Variants in POLD2 observed in about 807,000 individuals in gnomAD.
POLD2 encodes DNA polymerase delta 2, accessory subunit, also known as DNA polymerase delta subunit 2.
Under a neutral mutation model 48.8 loss-of-function variants are expected in POLD2, and 31 were observed. That is an observed-to-expected ratio of 0.64 (90% CI 0.48 to 0.86). The LOEUF is 0.86. Ranked by LOEUF, POLD2 falls within the 40% of genes least tolerant of loss-of-function variation. The pLI, the probability that POLD2 is intolerant of heterozygous loss-of-function variation, is 0.00. For synonymous variants in POLD2, 233 were observed against 256.3 expected (o/e 0.91, Z 0.87); for missense variants, 455 against 610.1 (o/e 0.75, Z 2.68).
At chr7:44,123,808 G>T, upstream of POLD2, 4 of 961,186 alleles carry the variant, frequency 4.2e-6, no homozygotes, top group South Asian at 7.2e-5. Context: ...CTGACGGGGG[G>T]TGTCGGCCTC....
At position 44,115,329 on chromosome 7, in the gene POLD2, G is replaced by C. The variant is rs1019891027; in HGVS notation, c.1215C>G (p.Gly405=). 1.9e-5 allele frequency: 31 copies of C among 1,613,846 alleles called. No homozygotes were observed. The Middle Eastern group carries it at 1.3e-3, about 68-fold the overall frequency. Reference sequence around the variant, plus strand: ...TTTTGGAGCCAAAGCTGGGGGTGTTGCCACAAAAGTAGACATGCGGGCACT... The same window carrying C: ...TTTTGGAGCCAAAGCTGGGGGTGTTCCCACAAAAGTAGACATGCGGGCACT... ...FPECPHVYFC[G]NTPSFGSKII... The change falls in exon 10 of 11, where the codon GGC becomes GGG. Residue 405 remains glycine (G), a synonymous_variant. Transcript: ENST00000610533.
intron 1 of POLD2, chr7:44,123,192 A>T: frequency 8.1e-7 from 1 of 1,231,332 alleles, no homozygotes; most frequent in Middle Eastern, 3.1e-4. Context: ...AAAGTTAAAA[A>T]ATTCCCTAGC....
In POLD2 at chr7:44,114,762, C is replaced by T. The variant is rs536995063; in HGVS notation, c.*23G>A. On this transcript the variant is annotated 3_prime_UTR_variant, in exon 11 of 11. Coordinates refer to ENST00000610533, the MANE Select transcript of POLD2 (RefSeq NM_006230.4). Reference sequence around the variant, plus strand: ...ATGAACAGCCTCCATCTGGGCCTCTCTGGTCAAAACCACTTTTTTGAGTCA... The same window carrying T: ...ATGAACAGCCTCCATCTGGGCCTCTTTGGTCAAAACCACTTTTTTGAGTCA... 1.3e-6 allele frequency: 2 copies of T among 1,592,450 alleles called. No homozygotes were observed. Among genetic ancestry groups the T allele is most frequent in the Non-Finnish European group, 1.7e-6 (2 of 1,165,052 alleles).
At chr7:44,115,438 C>T (rs1410649629) in intron 9 of POLD2, 42 bp from the exon 10 acceptor site, 1 of 1,199,964 alleles carries the variant, frequency 8.3e-7, no homozygotes, top group South Asian at 1.2e-5. Context: ...TCCGCCTCAG[C>T]ACTAGCACTC....
chr7:44,116,711 G>C lies in POLD2; in HGVS notation c.780+106C>G. On this transcript the variant is annotated intron_variant, in intron 6 of 10. Transcript: ENST00000610533. This position sits in a 1 kb window ranked among gnomAD's most constrained non-coding sequence, Gnocchi z 6.1. ...GAGTCACTGCAGGGCGCTTCCCACC[G>C]ACCTGCGAGACCTCACAGGGTACCC... is the stretch of plus-strand genomic sequence containing the variant. The C allele has an allele frequency of 1.6e-6, 2 of 1,278,240 alleles. No homozygotes were observed. The highest frequency in any genetic ancestry group is 2.2e-6 in the Non-Finnish European group (2 of 905,452). 79.2% of individuals were successfully genotyped at this position (1,278,240 alleles called of 1,614,324 possible).
chr7:44,116,334 G>A lies in POLD2; in HGVS notation c.862-62C>T, dbSNP rs1049020894. ...CGAAGGAGCCCCCTACACCAACTCC[G>A]GCCACTCCCCCTGCCCTCCTGCCTG... On this transcript the variant is annotated intron_variant, in intron 7 of 10. Transcript: ENST00000610533. This position sits in a 1 kb window ranked among gnomAD's most constrained non-coding sequence, Gnocchi z 6.1. 12 of 1,598,084 alleles carry A rather than the reference G, an allele frequency of 7.5e-6. No individual in the cohort carries two copies. The highest frequency in any genetic ancestry group is 2.2e-5 in the East Asian group (1 of 44,670).
At chr7:44,117,901 C>T in intron 3 of POLD2, 42 bp downstream of exon 3, 2 of 1,607,580 alleles carry the variant, frequency 1.2e-6, no homozygotes, top group East Asian at 2.2e-5. Flanking sequence ...AGTGGGAGGC[C>T]AGGTCTGCCT....
At chr7:44,123,298 C>G (rs2128813310) in intron 1 of POLD2, 2 of 1,363,888 alleles carry the variant, frequency 1.5e-6, no homozygotes, top group Non-Finnish European at 1.9e-6. Flanking sequence ...TTGGCTCGAA[C>G]GTGCTTGATG....
At position 44,116,177 on chromosome 7, in the gene POLD2, G is replaced by A. The variant is rs1309537097; in HGVS notation, c.957C>T (p.Ala319=). 6.2e-7 allele frequency: 1 copy of A among 1,613,880 alleles called. No homozygotes were observed. Among genetic ancestry groups the A allele is most frequent in the African/African-American group, 1.3e-5 (1 of 75,032 alleles). The part of the protein sequence containing the change: ...QPLHPCMFPL[A]TAYSTLQLVT... ...CCAGCTGGAGCGTGGAGTAGGCAGTGGCCAGCGGGAACATGCAGGGGTGGA... is the reference window on the plus strand; with the variant it reads ...CCAGCTGGAGCGTGGAGTAGGCAGTAGCCAGCGGGAACATGCAGGGGTGGA... The change falls in exon 8 of 11, where the codon GCC becomes GCT. Residue 319 remains alanine, a synonymous_variant. Coordinates refer to ENST00000610533, the MANE Select transcript of POLD2 (RefSeq NM_006230.4). This position sits in a 1 kb window ranked among gnomAD's most constrained non-coding sequence, Gnocchi z 6.1.
intron 2 of POLD2, among the ~76,000 whole-genome samples, chr7:44,119,315 G>A (rs946521352): frequency 3.3e-5 from 5 of 152,148 alleles, no homozygotes; most frequent in African/African-American, 1.2e-4. Flanking sequence ...GGAGGTGACA[G>A]GACAACGCGG....
At position 44,117,731 on chromosome 7, in the gene POLD2, G is replaced by T. The variant is rs149868867; in HGVS notation, c.354C>A (p.Leu118=). ...TGTATTTACTCCGAGGAGGCTGGGG[G>T]AGCAGGTTGTGCTGGAATGCAGAGA... ...LREVSEEHNL[L]PQPPRSKYIH... is the part of the protein sequence containing the mutation. The change falls in exon 4 of 11, where the codon CTC becomes CTA. Residue 118 remains leucine (L), a synonymous_variant. Coordinates refer to ENST00000610533, the MANE Select transcript of POLD2 (RefSeq NM_006230.4). 1.9e-6 allele frequency: 3 copies of T among 1,613,812 alleles called. No homozygotes were observed. The highest frequency in any genetic ancestry group is 2.7e-5 in the African/African-American group (2 of 75,038).
In POLD2 at chr7:44,115,808, G is replaced by A; in HGVS notation, c.1105C>T (p.Leu369=). ...EDHLEILEWT[L]RVRHISPTAP... is the part of the protein sequence containing the mutation. Reference sequence around the variant, plus strand: ...GTGGGGCTGATGTGACGGACCCGCAGGGTCCACTCCAGGATCTCCAAGTGA... The same window carrying A: ...GTGGGGCTGATGTGACGGACCCGCAAGGTCCACTCCAGGATCTCCAAGTGA... Residue 369 remains leucine, a synonymous_variant, in exon 9 of 11, where the codon CTG becomes TTG. Coordinates refer to ENST00000610533, the MANE Select transcript of POLD2 (RefSeq NM_006230.4). The A allele has an allele frequency of 1.2e-6, 2 of 1,614,104 alleles. No homozygotes were observed. Among genetic ancestry groups the A allele is most frequent in the Non-Finnish European group, 1.7e-6 (2 of 1,179,996 alleles).
chr7:44,123,769 G>T (rs532937845), upstream of POLD2: 4 of 1,268,662 alleles, frequency 3.2e-6, no homozygotes, highest in Non-Finnish European at 4.1e-6. Context: ...GCGGGTCTTT[G>T]GTTGGCGGCC....
upstream of POLD2, chr7:44,123,564 G>A: frequency 6.8e-6 from 10 of 1,477,092 alleles, no homozygotes; most frequent in Admixed American, 2.4e-5. Flanking sequence ...GCCCATCGCC[G>A]CAACTCGCTA....
intron 1 of POLD2, chr7:44,122,527 T>C: frequency 1.1e-6 from 1 of 901,878 alleles, no homozygotes; most frequent in Non-Finnish European, 1.3e-6. Flanking sequence ...AAGCCTATTA[T>C]TAAATAATAA....
chr7:44,115,375 GT>G lies in POLD2; in HGVS notation c.1168del (p.Thr390LeufsTer37), dbSNP rs2096237039. 6.2e-7 allele frequency: 1 copy of G among 1,613,272 alleles called. No homozygotes were observed. The highest frequency in any genetic ancestry group is 1.3e-5 in the African/African-American group (1 of 74,918). On this transcript the variant is annotated frameshift_variant, in exon 10 of 11. Transcript: ENST00000610533. LOFTEE classifies it high-confidence loss of function. ...GCACTCTGGGAAGATGAACGGGTCA[GT>G]TTTGTAGAAGGGGTAACAACCTGGA... ...DTLGCYPFYK[T>X]DPFIFPECPH...
At chr7:44,122,661 G>C (rs942558044) in intron 1 of POLD2, among the ~76,000 whole-genome samples, 2 of 152,056 alleles carry the variant, frequency 1.3e-5, no homozygotes. Context: ...TGCTCCACTG[G>C]TCCTCTCCCC....
Position 44,122,271 on chromosome 7 carries a change from C to T in POLD2, c.-56-162G>A, listed in dbSNP as rs2096249343. 4 of 1,421,042 alleles carry T rather than the reference C, an allele frequency of 2.8e-6. No homozygotes were observed. In the African/African-American group the frequency reaches 4.3e-5, roughly 15 times the overall value. 88.0% of individuals were successfully genotyped at this position (1,421,042 alleles called of 1,614,324 possible). Reference sequence around the variant, plus strand: ...TTGGAAATTTATCGTGCCTGGATACCGATGTCTCACCCTGTAGCGGTCATC... The same window carrying T: ...TTGGAAATTTATCGTGCCTGGATACTGATGTCTCACCCTGTAGCGGTCATC... On this transcript the variant is annotated intron_variant, in intron 1 of 10. Transcript: ENST00000610533.
intron 2 of POLD2, among the ~76,000 whole-genome samples, chr7:44,120,580 C>T (rs1481221128): frequency 2.6e-5 from 4 of 152,186 alleles, no homozygotes; most frequent in Non-Finnish European, 5.9e-5. Context: ...ATAATCCACA[C>T]GGTGTTGACG....
Sources: gnomAD v4.1 joint callset for allele counts (sites outside exome capture counted in the v4.1 genomes callset) on GRCh38, gnomAD v4.1.1 for gene constraint, Gnocchi (gnomAD v3.1) non-coding constraint, MANE v1.5 for transcripts, NCBI Gene and HGNC (gene_info 2026-07-23, HGNC 2026-07-21) for gene names.